PIK3R5: variants seen among roughly 807,000 people sequenced by gnomAD.
PIK3R5 encodes phosphoinositide-3-kinase regulatory subunit 5, also known as phosphoinositide 3-kinase regulatory subunit 5.
PIK3R5 carries 32 observed loss-of-function variants against 94.9 expected under a neutral mutation model. The ratio of observed to expected loss-of-function variants is 0.34; its 90% confidence interval spans 0.25 to 0.45. The LOEUF (loss-of-function observed/expected upper bound fraction) is 0.45, where lower values mean the gene tolerates loss of function less well. Ranked by LOEUF, PIK3R5 falls within the 20% of genes least tolerant of loss-of-function variation. The pLI is 1.00. For missense variants in PIK3R5, 853 were observed against 1,144.6 expected (o/e 0.75, Z 3.68); for synonymous variants, 443 against 479.4 (o/e 0.92, Z 0.99).
rs1158302630 is a variant in PIK3R5, at chr17:8,884,346, G to A, written c.2205+361C>T. ...TCCCATCTTGCATGCAGCCTGCCAG[G>A]CACACTGGCCCCCCGAGACCCTGGC... On this transcript the variant is annotated intron_variant, in intron 15 of 18. Coordinates refer to ENST00000447110, the MANE Select transcript of PIK3R5 (RefSeq NM_001142633.3). The surrounding 1 kb of genome is among the most constrained non-coding windows in gnomAD (Gnocchi z 5.8). 6.6e-6 allele frequency among the ~76,000 whole-genome samples: 1 copy of A among 151,920 alleles called. No individual in the cohort carries two copies. Among genetic ancestry groups the A allele is most frequent in the East Asian group, 1.9e-4 (1 of 5,182 alleles).
Position 8,884,255 on chromosome 17 carries a change from T to A in PIK3R5, c.2205+452A>T, listed in dbSNP as rs1055739821. 2.0e-5 allele frequency among the ~76,000 whole-genome samples: 3 copies of A among 152,034 alleles called. No homozygotes were observed. Among genetic ancestry groups the A allele is most frequent in the Non-Finnish European group, 2.9e-5 (2 of 67,972 alleles). On this transcript the variant is annotated intron_variant, in intron 15 of 18. Coordinates refer to ENST00000447110, the MANE Select transcript of PIK3R5 (RefSeq NM_001142633.3). This position sits in a 1 kb window ranked among gnomAD's most constrained non-coding sequence, Gnocchi z 5.8. Reference sequence around the variant, plus strand: ...ATGCGACCTGCTCAGAGAACTCATGTCTTCTGGCATGTCATGGACAGCCCT... The same window carrying A: ...ATGCGACCTGCTCAGAGAACTCATGACTTCTGGCATGTCATGGACAGCCCT...
At chr17:8,895,546 C>T (rs1332517200) in intron 5 of PIK3R5, among the ~76,000 whole-genome samples, 1 of 152,218 alleles carries the variant, frequency 6.6e-6, no homozygotes, top group African/African-American at 2.4e-5. Flanking sequence ...GGCCCAACCT[C>T]ATCCTCACGC....
At chr17:8,920,416 G>T (rs796887267) in intron 1 of PIK3R5, among the ~76,000 whole-genome samples, 1 of 152,158 alleles carries the variant, frequency 6.6e-6, no homozygotes, top group Non-Finnish European at 1.5e-5. Flanking sequence ...GAAAACAAAG[G>T]CTCTGAGTGG....
In PIK3R5 at chr17:8,892,854, T is replaced by C. The variant is rs61759648; in HGVS notation, c.482+732A>G. 0.038 allele frequency among the ~76,000 whole-genome samples: 5,844 copies of C among 152,136 alleles called. 396 individuals are homozygous for C. Among genetic ancestry groups the C allele is most frequent in the African/African-American group, 0.13 (5,531 of 41,494 alleles). Reference sequence around the variant, plus strand: ...TCCCTGGGCTCCCAACATGTCAAGGTGAGACAGCACCCAACTCTTCAAGGC... The same window carrying C: ...TCCCTGGGCTCCCAACATGTCAAGGCGAGACAGCACCCAACTCTTCAAGGC... On this transcript the variant is annotated intron_variant, in intron 6 of 18. Transcript: ENST00000447110. This position sits in a 1 kb window ranked among gnomAD's most constrained non-coding sequence, Gnocchi z 4.3.
intron 1 of PIK3R5, among the ~76,000 whole-genome samples, chr17:8,953,312 C>T (rs993923104): frequency 2.0e-5 from 3 of 152,178 alleles, no homozygotes; most frequent in African/African-American, 7.2e-5. Flanking sequence ...TTTCTTGATG[C>T]TTACATAAGG....
chr17:8,896,801 G>T lies in PIK3R5; in HGVS notation c.413-3146C>A, dbSNP rs978848758. 6.6e-6 allele frequency among the ~76,000 whole-genome samples: 1 copy of T among 152,124 alleles called. No individual in the cohort carries two copies. The highest frequency in any genetic ancestry group is 2.4e-5 in the African/African-American group (1 of 41,416). ...AGGGTGATGTGGGTACTTGAGCCTG[G>T]GGGAGGCAGGGAGCAACCACATCTG... On this transcript the variant is annotated intron_variant, in intron 5 of 18. Transcript: ENST00000447110. This position sits in a 1 kb window ranked among gnomAD's most constrained non-coding sequence, Gnocchi z 4.0.
At chr17:8,952,603 A>C (rs2091395318) in intron 1 of PIK3R5, among the ~76,000 whole-genome samples, 1 of 152,212 alleles carries the variant, frequency 6.6e-6, no homozygotes, top group Admixed American at 6.5e-5. Context: ...GTTAGTATTG[A>C]AGCGACTTAA....
At position 8,881,625 on chromosome 17, in the gene PIK3R5, C is replaced by G; in HGVS notation, c.2382+5G>C. 6.2e-7 allele frequency: 1 copy of G among 1,609,268 alleles called. No homozygotes were observed. Among genetic ancestry groups the G allele is most frequent in the Non-Finnish European group, 8.5e-7 (1 of 1,177,182 alleles). On this transcript the variant is annotated splice_donor_5th_base_variant and intron_variant, in intron 17 of 18. Coordinates refer to ENST00000447110, the MANE Select transcript of PIK3R5 (RefSeq NM_001142633.3). The surrounding 1 kb of genome is among the most constrained non-coding windows in gnomAD (Gnocchi z 4.8). Reference sequence around the variant, plus strand: ...GTATGGCTGGAAGGAGAGGGAAGCCCGTACCTGGTTAAAGCCCTTCTTGGA... The same window carrying G: ...GTATGGCTGGAAGGAGAGGGAAGCCGGTACCTGGTTAAAGCCCTTCTTGGA...
intron 1 of PIK3R5, among the ~76,000 whole-genome samples, chr17:8,944,552 C>T (rs1198794953): frequency 6.6e-6 from 1 of 152,178 alleles, no homozygotes; most frequent in African/African-American, 2.4e-5. Context: ...CACTAGCATT[C>T]CATGATTTTA....
chr17:8,923,947 C>T (rs1307862728), intron 1 of PIK3R5, among the ~76,000 whole-genome samples: 1 of 131,128 alleles, frequency 7.6e-6, no homozygotes, highest in Non-Finnish European at 1.6e-5. Flanking sequence ...CTCTGCCTCC[C>T]AGGCCAGAGC....
intron 1 of PIK3R5, among the ~76,000 whole-genome samples, chr17:8,938,390 C>T (rs1488922229): frequency 6.6e-6 from 1 of 152,120 alleles, no homozygotes; most frequent in Non-Finnish European, 1.5e-5. Flanking sequence ...AGCTGTAATT[C>T]ATGTAACGTA....
At chr17:8,886,351 T>G in intron 13 of PIK3R5, 29 bp from the exon 14 acceptor site, 1 of 1,602,634 alleles carries the variant, frequency 6.2e-7, no homozygotes, top group Admixed American at 1.7e-5. Context: ...TGTACATCAG[T>G]GTGAACCTCC....
chr17:8,883,751 G>A (rs1278747872), intron 15 of PIK3R5, among the ~76,000 whole-genome samples: 1 of 152,096 alleles, frequency 6.6e-6, no homozygotes, highest in Non-Finnish European at 1.5e-5. Context: ...ATTTTACATC[G>A]TGTGCATCAT....
intron 5 of PIK3R5, among the ~76,000 whole-genome samples, chr17:8,900,693 C>T (rs1391839839): frequency 6.6e-6 from 1 of 152,234 alleles, no homozygotes; most frequent in East Asian, 1.9e-4. Flanking sequence ...GCTGCCCTGC[C>T]TGGCCCTTGT....
intron 1 of PIK3R5, among the ~76,000 whole-genome samples, chr17:8,913,442 C>A (rs1220470625): frequency 6.6e-6 from 1 of 152,212 alleles, no homozygotes; most frequent in Non-Finnish European, 1.5e-5. Context: ...TGCGGTGGCT[C>A]ATGCCCGTAA....
intron 5 of PIK3R5, among the ~76,000 whole-genome samples, chr17:8,897,866 C>G (rs61759638): frequency 6.6e-6 from 1 of 152,254 alleles, no homozygotes; most frequent in Non-Finnish European, 1.5e-5. Context: ...GAAGGCTGGT[C>G]CAGGATGTTC....
In PIK3R5 at chr17:8,925,115, G is replaced by T. The variant is rs548291506; in HGVS notation, c.-13-13608C>A. Among the ~76,000 whole-genome samples the T allele has an allele frequency of 6.6e-6, 1 of 152,302 alleles. No homozygotes were observed. Among genetic ancestry groups the T allele is most frequent in the South Asian group, 2.1e-4 (1 of 4,828 alleles). On this transcript the variant is annotated intron_variant, in intron 1 of 18. Transcript: ENST00000447110. The surrounding 1 kb of genome is among the most constrained non-coding windows in gnomAD (Gnocchi z 5.1). ...TAGATAGAAAGTAGATGGATAGATAGATAGTAGATGGATAGATAGATAGTA... is the reference window on the plus strand; with the variant it reads ...TAGATAGAAAGTAGATGGATAGATATATAGTAGATGGATAGATAGATAGTA...
chr17:8,915,018 C>T (rs1373412130), intron 1 of PIK3R5, among the ~76,000 whole-genome samples: 1 of 152,250 alleles, frequency 6.6e-6, no homozygotes, highest in Non-Finnish European at 1.5e-5. Flanking sequence ...GGTATAAACC[C>T]AGGGGGTCTG....
intron 1 of PIK3R5, among the ~76,000 whole-genome samples, chr17:8,954,568 G>A (rs1469502542): frequency 6.6e-6 from 1 of 152,170 alleles, no homozygotes; most frequent in Non-Finnish European, 1.5e-5. Context: ...GTTGGGGGAA[G>A]GTTCCCCAGG....
Sources: allele counts gnomAD v4.1 joint callset (sites outside exome capture counted in the v4.1 genomes callset), GRCh38; gene constraint gnomAD v4.1.1; non-coding constraint Gnocchi (gnomAD v3.1); transcripts MANE v1.5; gene names NCBI Gene and HGNC (gene_info 2026-07-23, HGNC 2026-07-21).